Variants in DNAH7 observed in about 807,000 individuals in gnomAD.
DNAH7 encodes the protein dynein axonemal heavy chain 7.
A neutral mutation model predicts 444.6 loss-of-function variants in DNAH7; 397 were observed. The ratio of observed to expected loss-of-function variants is 0.89; its 90% CI spans 0.82 to 0.97. DNAH7 has a LOEUF of 0.97. Ranked by LOEUF, DNAH7 falls within the 50% of genes least tolerant of loss-of-function variation. The pLI is 0.00. For missense variants in DNAH7, 4,902 were observed against 4,800.8 expected (o/e 1.02, Z -0.62); for synonymous variants, 1,636 against 1,624.4 (o/e 1.01, Z -0.17).
intron 5 of DNAH7, among the ~76,000 whole-genome samples, chr2:196,034,332 G>A (rs1175535685): frequency 1.3e-5 from 2 of 151,770 alleles, no homozygotes; most frequent in Non-Finnish European, 2.9e-5. Flanking sequence ...TAAAAAGAAG[G>A]GCAAGATTTC....
chr2:195,958,067 C>A (rs1458623208), intron 18 of DNAH7, among the ~76,000 whole-genome samples: 2 of 151,996 alleles, frequency 1.3e-5, no homozygotes, highest in African/African-American at 4.8e-5. Flanking sequence ...ATAGTTGACC[C>A]TTCAACAACA....
chr2:195,793,100 T>C (rs1273308583), intron 57 of DNAH7, among the ~76,000 whole-genome samples: 2 of 151,720 alleles, frequency 1.3e-5, no homozygotes, highest in East Asian at 3.9e-4. Flanking sequence ...TGGCTAATTT[T>C]TTATTTATTT....
At chr2:196,018,773 A>C (rs1157231720) in intron 9 of DNAH7, among the ~76,000 whole-genome samples, 1 of 152,162 alleles carries the variant, frequency 6.6e-6, no homozygotes, top group African/African-American at 2.4e-5. Context: ...GGAGGACTAC[A>C]GTCAATAATA....
intron 21 of DNAH7, among the ~76,000 whole-genome samples, chr2:195,933,609 T>C (rs1339808950): frequency 6.6e-6 from 1 of 151,946 alleles, no homozygotes; most frequent in African/African-American, 2.4e-5. Flanking sequence ...GGGACATGGA[T>C]GAAGCTGGAA....
chr2:195,935,100 A>C (rs1160309285), intron 20 of DNAH7, among the ~76,000 whole-genome samples: 1 of 152,246 alleles, frequency 6.6e-6, no homozygotes. Context: ...TAAAGGTAAC[A>C]TAAGGAGAAA....
chr2:196,004,835 C>T (rs1168791782), intron 10 of DNAH7, among the ~76,000 whole-genome samples: 3 of 151,752 alleles, frequency 2.0e-5, no homozygotes, highest in Admixed American at 1.3e-4. Context: ...GTGACATGCG[C>T]CTGTGTTCCC....
rs762773168 is a variant in DNAH7 at position 196,001,875 on chromosome 2, AC to A, written c.990-18del. 6.3e-7 allele frequency: 1 copy of A among 1,586,244 alleles called. No homozygotes were observed. The highest frequency in any genetic ancestry group is 8.6e-7 in the Non-Finnish European group (1 of 1,168,176). ...GGAAACCACCTTGAAAGAACAAAAG[AC>A]TTTTAAAAGTCAGTGCTTTCAGTGA... On this transcript the variant is annotated intron_variant, in intron 10 of 64. Coordinates refer to ENST00000312428, the MANE Select transcript of DNAH7 (RefSeq NM_018897.3).
intron 51 of DNAH7, among the ~76,000 whole-genome samples, chr2:195,812,071 T>G (rs1290849702): frequency 6.6e-6 from 1 of 152,198 alleles, no homozygotes; most frequent in East Asian, 1.9e-4. Flanking sequence ...GACTATTGGA[T>G]GGCCTCACCT....
intron 27 of DNAH7, chr2:195,902,854 C>T (rs1686790512): frequency 6.6e-6 from 1 of 152,118 alleles, no homozygotes. Flanking sequence ...GATTCTCAAA[C>T]AGGTTGTGCA....
intron 19 of DNAH7, among the ~76,000 whole-genome samples, chr2:195,938,850 T>A (rs1689232813): frequency 6.6e-6 from 1 of 152,110 alleles, no homozygotes; most frequent in Admixed American, 6.6e-5. Flanking sequence ...TTTAAGATTT[T>A]AAAATAAAAG....
intron 24 of DNAH7, among the ~76,000 whole-genome samples, chr2:195,912,191 T>G (rs775705380): frequency 2.0e-5 from 3 of 152,130 alleles, no homozygotes; most frequent in African/African-American, 7.2e-5. Flanking sequence ...TCTCTCTGTA[T>G]GGTGGAAGAA....
intron 63 of DNAH7, among the ~76,000 whole-genome samples, chr2:195,750,784 G>C (rs1271481662): frequency 6.6e-6 from 1 of 152,230 alleles, no homozygotes; most frequent in Non-Finnish European, 1.5e-5. Flanking sequence ...CAGCCCAGCA[G>C]TGGTACAGAG....
At chr2:195,908,693 G>A (rs909459479) in intron 25 of DNAH7, among the ~76,000 whole-genome samples, 4 of 152,014 alleles carry the variant, frequency 2.6e-5, no homozygotes, top group Non-Finnish European at 4.4e-5. Flanking sequence ...TGGACACTTA[G>A]GTTGATTCCA....
intron 1 of DNAH7, among the ~76,000 whole-genome samples, chr2:196,059,736 G>T (rs1389647778): frequency 6.6e-6 from 1 of 152,134 alleles, no homozygotes; most frequent in African/African-American, 2.4e-5. Flanking sequence ...CAAACTTTCA[G>T]GATCCCAGCA....
chr2:195,878,459 G>T (rs942389898), intron 36 of DNAH7, among the ~76,000 whole-genome samples: 2 of 152,046 alleles, frequency 1.3e-5, no homozygotes, highest in African/African-American at 4.8e-5. Context: ...AAATTAGAGG[G>T]TGTGGTGGTG....
chr2:195,740,815 T>C lies in DNAH7; in HGVS notation c.11819A>G (p.Lys3940Arg). ...TTTGGGATGCGATTCTGCAAGTTTC[T>C]TGATCTTTCTATTCCAGGAAGCTCC... Reference protein sequence around the residue: ...LDGASWNRKIKKLAESHPKIL... With the variant: ...LDGASWNRKIRKLAESHPKIL... The change falls in exon 64 of 65, where the codon AAG becomes AGG. Residue 3940 changes from lysine (K) to arginine (R), a missense_variant. Physicochemically the swap from Lys to Arg is conservative, Grantham distance 26. Coordinates refer to ENST00000312428, the MANE Select transcript of DNAH7 (RefSeq NM_018897.3). 2 of 1,570,092 alleles carry C rather than the reference T, an allele frequency of 1.3e-6. No homozygotes were observed. Among genetic ancestry groups the C allele is most frequent in the Non-Finnish European group, 1.7e-6 (2 of 1,156,948 alleles).
At chr2:195,821,978 C>G (rs1697495292) in intron 49 of DNAH7, among the ~76,000 whole-genome samples, 2 of 152,184 alleles carry the variant, frequency 1.3e-5, no homozygotes, top group African/African-American at 4.8e-5. Context: ...ACCTAGGCAC[C>G]TCCTCAGTGG....
chr2:195,825,859 T>G (rs1367866379), intron 48 of DNAH7, among the ~76,000 whole-genome samples: 1 of 152,220 alleles, frequency 6.6e-6, no homozygotes, highest in Non-Finnish European at 1.5e-5. Flanking sequence ...ACATATTTTC[T>G]CCTTCCCACA....
intron 37 of DNAH7, 107 bp downstream of exon 37, chr2:195,876,437 T>C: frequency 1.7e-6 from 2 of 1,156,280 alleles, no homozygotes; most frequent in Non-Finnish European, 2.5e-6. Context: ...ATTTGTGACA[T>C]TAAAAAACTA....
Sources: allele counts gnomAD v4.1 joint callset (sites outside exome capture counted in the v4.1 genomes callset), GRCh38; gene constraint gnomAD v4.1.1; transcripts MANE v1.5; gene names NCBI Gene and HGNC (gene_info 2026-07-23, HGNC 2026-07-21).